TIMM44: variants seen among roughly 807,000 people sequenced by gnomAD.
TIMM44 encodes mitochondrial import inner membrane translocase subunit TIM44.
TIMM44 carries 37 observed loss-of-function variants against 63.8 expected under a neutral mutation model. The observed-to-expected ratio is 0.58, with a 90% CI of 0.45 to 0.76. The LOEUF is 0.76. Ranked by LOEUF, TIMM44 falls within the 30% of genes least tolerant of loss-of-function variation. The pLI is 0.00. For synonymous variants in TIMM44, 239 were observed against 245.1 expected, an observed-to-expected ratio of 0.98 and a Z score of 0.23; for missense variants, 573 against 603.8, an observed-to-expected ratio of 0.95 and a Z score of 0.54.
At chr19:7,929,698 C>A (rs560963641) in intron 10 of TIMM44, among the ~76,000 whole-genome samples, 3 of 134,490 alleles carry the variant, frequency 2.2e-5, no homozygotes, top group Non-Finnish European at 3.4e-5. Flanking sequence ...AGCCCCCCCC[C>A]AGTCATGTGG....
chr19:7,934,376 G>T lies in TIMM44; in HGVS notation c.394-138C>A. 1 of 1,145,784 alleles carries T rather than the reference G, an allele frequency of 8.7e-7. No homozygotes were observed. The highest frequency in any genetic ancestry group is 1.3e-6 in the Non-Finnish European group (1 of 786,962). 71.0% of individuals were successfully genotyped at this position (1,145,784 alleles called of 1,614,324 possible). ...CGGCAGAGGCCTTCTGTGCTCCTGTGGTACGCGGCACCCCCAGAGCCATGA... is the reference window on the plus strand; with the variant it reads ...CGGCAGAGGCCTTCTGTGCTCCTGTTGTACGCGGCACCCCCAGAGCCATGA... On this transcript the variant is annotated intron_variant, in intron 4 of 12. Transcript: ENST00000270538. The surrounding 1 kb of genome is among the most constrained non-coding windows in gnomAD (Gnocchi z 5.3).
At chr19:7,938,001 GA>G (rs747126071) in intron 3 of TIMM44, 25 bp downstream of exon 3, 7 of 1,611,782 alleles carry the variant, frequency 4.3e-6, no homozygotes, top group African/African-American at 4.0e-5. Context: ...CTGGGTGAGG[GA>G]AAAAAAAGCA....
chr19:7,932,106 G>C (rs1984001647), intron 9 of TIMM44, among the ~76,000 whole-genome samples: 1 of 152,206 alleles, frequency 6.6e-6, no homozygotes. Context: ...GAAGACAAGA[G>C]GCCACCAACC....
At chr19:7,931,096 A>C in intron 10 of TIMM44, 42 bp downstream of exon 10, 84 of 1,532,452 alleles carry the variant, frequency 5.5e-5, no homozygotes, top group Non-Finnish European at 6.7e-5. Context: ...GTGATTTTTT[A>C]GGCCTTAAAA....
rs917486616 is a variant in TIMM44, at chr19:7,933,023, C to G, written c.770-91G>C. On this transcript the variant is annotated intron_variant, in intron 7 of 12. Transcript: ENST00000270538. This position sits in a 1 kb window ranked among gnomAD's most constrained non-coding sequence, Gnocchi z 4.3. ...TTCTAGAGGCTCCCTGTGACCCCTG[C>G]GGGATCCACCCTGACACGGGTGGGG... is the stretch of plus-strand genomic sequence containing the variant. 9.6e-7 allele frequency: 1 copy of G among 1,037,376 alleles called. No homozygotes were observed. The highest frequency in any genetic ancestry group is 1.5e-6 in the Non-Finnish European group (1 of 676,720). The allele number at this position is 1,037,376 out of a possible 1,614,324, so 64.3% of individuals were successfully genotyped here.
At chr19:7,931,351 C>A in intron 9 of TIMM44, 163 bp from the exon 10 acceptor site, 2 of 709,672 alleles carry the variant, frequency 2.8e-6, no homozygotes, top group East Asian at 2.7e-5. Flanking sequence ...GGGTGTCCCC[C>A]CCAGGCCCGT....
chr19:7,941,261 CCA>C, intron 1 of TIMM44, 64 bp from the exon 2 acceptor site: 5 of 1,313,068 alleles, frequency 3.8e-6, no homozygotes, highest in Non-Finnish European at 5.5e-6. Context: ...AGTAAGCAGA[CCA>C]CACACAAAAC....
In TIMM44 at chr19:7,934,060, T is replaced by A; in HGVS notation, c.543+29A>T. 2.9e-5 allele frequency: 47 copies of A among 1,613,364 alleles called. No homozygotes were observed. Among genetic ancestry groups the A allele is most frequent in the Non-Finnish European group, 3.9e-5 (46 of 1,179,984 alleles). On this transcript the variant is annotated intron_variant, in intron 5 of 12. Transcript: ENST00000270538. This position sits in a 1 kb window ranked among gnomAD's most constrained non-coding sequence, Gnocchi z 5.3. ...GTGTCTGGGTTCGGCCGCCCCAGGC[T>A]GCATGCCCTAGCCCAGGACTGGGCT...
At chr19:7,931,459 A>T in intron 9 of TIMM44, 1 of 491,324 alleles carries the variant, frequency 2.0e-6, no homozygotes, top group Non-Finnish European at 3.7e-6. Flanking sequence ...ACCCCCCTGG[A>T]ACCTGGTGGA....
chr19:7,935,251 C>T, intron 3 of TIMM44, 106 bp from the exon 4 acceptor site: 3 of 1,043,742 alleles, frequency 2.9e-6, no homozygotes, highest in Non-Finnish European at 2.8e-6. Flanking sequence ...CTGCAACTTC[C>T]TCCTGCCAGA....
In TIMM44 at chr19:7,938,199, T is replaced by A; in HGVS notation, c.142-2A>T. The A allele has an allele frequency of 6.2e-7, 1 of 1,611,772 alleles. No homozygotes were observed. The highest frequency in any genetic ancestry group is 2.2e-5 in the East Asian group (1 of 44,856). On this transcript the variant is annotated splice_acceptor_variant, in intron 2 of 12. Transcript: ENST00000270538. LOFTEE classifies it high-confidence loss of function. ...GTTTCCAGAAGAATATGATTTGGACTAGAAAGAATGTACAAGAAAAAAAAT... is the reference window on the plus strand; with the variant it reads ...GTTTCCAGAAGAATATGATTTGGACAAGAAAGAATGTACAAGAAAAAAAAT...
chr19:7,937,253 A>T (rs1313687217), intron 3 of TIMM44, among the ~76,000 whole-genome samples: 2 of 152,196 alleles, frequency 1.3e-5, no homozygotes, highest in South Asian at 4.1e-4. Context: ...TGGATGACAG[A>T]GCAAGACTCC....
rs763178079 is a variant in TIMM44, at chr19:7,934,460, C to T, written c.394-222G>A. ...GCCACCCCCAGAGCCACGAGCACAC[C>T]GGCACCCCCAGAGCCATGAGCACAC... On this transcript the variant is annotated intron_variant, in intron 4 of 12. Transcript: ENST00000270538. The surrounding 1 kb of genome is among the most constrained non-coding windows in gnomAD (Gnocchi z 5.3). Among the ~76,000 whole-genome samples, 5 of 133,884 alleles carry T rather than the reference C, an allele frequency of 3.7e-5. No homozygotes were observed. The highest frequency in any genetic ancestry group is 7.6e-5 in the African/African-American group (3 of 39,532). The allele number at this position is 133,884 out of a possible 152,430, so 87.8% of individuals were successfully genotyped here. A position where few individuals can be genotyped will look rare whatever the true frequency, so the allele number is the denominator to read the frequency against.
At position 7,943,631 on chromosome 19, in the gene TIMM44, C is replaced by T. The variant is rs1270886597; in HGVS notation, c.21G>A (p.Arg7=). The change falls in exon 1 of 13, where the codon CGG becomes CGA. Residue 7 remains arginine, a synonymous_variant. Coordinates refer to ENST00000270538, the MANE Select transcript of TIMM44 (RefSeq NM_006351.4). This position sits in a 1 kb window ranked among gnomAD's most constrained non-coding sequence, Gnocchi z 4.3. MAAAAL[R]SGWCRCPRRC... is the part of the protein sequence containing the mutation. ...CCCGTGGACAGCGGCACCAGCCACT[C>T]CGCAGGGCCGCCGCCGCCATGTTGG... The T allele has an allele frequency of 1.3e-6, 2 of 1,569,582 alleles. No individual in the cohort carries two copies. Among genetic ancestry groups the T allele is most frequent in the Admixed American group, 1.8e-5 (1 of 55,918 alleles).
chr19:7,942,286 T>C (rs566373183), intron 1 of TIMM44, among the ~76,000 whole-genome samples: 1 of 152,266 alleles, frequency 6.6e-6, no homozygotes, highest in South Asian at 2.1e-4. Flanking sequence ...TGAGCCGAGA[T>C]CTTGCCTTAA....
rs1439323858 is a variant in TIMM44, at chr19:7,943,059, GAA to G, written c.45+546_45+547del. Among the ~76,000 whole-genome samples, 14 of 149,386 alleles carry G rather than the reference GAA, an allele frequency of 9.4e-5. No homozygotes were observed. In the East Asian group the frequency reaches 2.6e-3, roughly 28 times the overall value. On this transcript the variant is annotated intron_variant, in intron 1 of 12. Coordinates refer to ENST00000270538, the MANE Select transcript of TIMM44 (RefSeq NM_006351.4). The surrounding 1 kb of genome is among the most constrained non-coding windows in gnomAD (Gnocchi z 4.3). ...CTGTCTCAAAAAAAAAAAAAAAAGA[GAA>G]AAAAGAAAAAACGAAGAGCACGAGC...
intron 1 of TIMM44, among the ~76,000 whole-genome samples, chr19:7,942,662 C>CTTT (rs869229145): frequency 4.3e-5 from 6 of 139,526 alleles, no homozygotes; most frequent in African/African-American, 5.3e-5. Context: ...TTGAGGATAA[C>CTTT]TTTTTTTTTT....
chr19:7,932,535 C>T, intron 9 of TIMM44, 92 bp downstream of exon 9: 2 of 1,566,202 alleles, frequency 1.3e-6, no homozygotes, highest in Non-Finnish European at 1.7e-6. Context: ...CAGCAGAGTT[C>T]CCTGGCAGCA....
rs2145183811 is a variant in TIMM44, at chr19:7,943,249, C to G, written c.45+358G>C. Among the ~76,000 whole-genome samples, 1 of 152,168 alleles carries G rather than the reference C, an allele frequency of 6.6e-6. No individual in the cohort carries two copies. Among genetic ancestry groups the G allele is most frequent in the East Asian group, 1.9e-4 (1 of 5,168 alleles). On this transcript the variant is annotated intron_variant, in intron 1 of 12. Transcript: ENST00000270538. The surrounding 1 kb of genome is among the most constrained non-coding windows in gnomAD (Gnocchi z 4.3). ...CTCGGTAGAGAACTTGGCATTTAACCGCGAGCTGTGAATTTCACGTTTTTT... is the reference window on the plus strand; with the variant it reads ...CTCGGTAGAGAACTTGGCATTTAACGGCGAGCTGTGAATTTCACGTTTTTT...
Sources: gnomAD v4.1 joint callset for allele counts (sites outside exome capture counted in the v4.1 genomes callset) on GRCh38, gnomAD v4.1.1 for gene constraint, Gnocchi (gnomAD v3.1) non-coding constraint, MANE v1.5 for transcripts, NCBI Gene and HGNC (gene_info 2026-07-23, HGNC 2026-07-21) for gene names.